ZNF385D: variants seen among roughly 807,000 people sequenced by gnomAD.
The protein encoded by ZNF385D is zinc finger protein 659.
ZNF385D carries 15 observed loss-of-function variants against 35.8 expected under a neutral mutation model. The ratio of observed to expected loss-of-function variants is 0.42; its 90% CI spans 0.28 to 0.64. The LOEUF is 0.64. ZNF385D is among the 30% of genes least tolerant of loss of function. The probability of loss-of-function intolerance (pLI) is 0.23; values close to 1 mark genes in which losing one functional copy is unlikely to be tolerated. For missense variants in ZNF385D, 474 were observed against 494.6 expected, an observed-to-expected ratio of 0.96 and a Z score of 0.39; for synonymous variants, 212 against 186.8, an observed-to-expected ratio of 1.13 and a Z score of -1.10.
At chr3:21,823,143 A>G (rs1644379335) in intron 3 of ZNF385D, among the ~76,000 whole-genome samples, 2 of 152,032 alleles carry the variant, frequency 1.3e-5, no homozygotes, top group South Asian at 4.2e-4. Context: ...ATGTGTACAT[A>G]TATGTTTATT....
intron 2 of ZNF385D, among the ~76,000 whole-genome samples, chr3:21,664,235 C>A (rs1433873091): frequency 6.6e-6 from 1 of 151,820 alleles, no homozygotes; most frequent in Admixed American, 6.6e-5. Flanking sequence ...ATGCATCTGC[C>A]AACTTACAAA....
At chr3:22,239,470 T>C (rs1489123056) in intron 2 of ZNF385D, among the ~76,000 whole-genome samples, 1 of 150,904 alleles carries the variant, frequency 6.6e-6, no homozygotes, top group African/African-American at 2.5e-5. Context: ...GAATTCCTCT[T>C]TTATAATAGA....
At chr3:22,335,585 A>G (rs1559526863) in intron 2 of ZNF385D, among the ~76,000 whole-genome samples, 1 of 152,154 alleles carries the variant, frequency 6.6e-6, no homozygotes, top group Non-Finnish European at 1.5e-5. Flanking sequence ...ACAGTTTTCC[A>G]TGTTGTATGT....
At chr3:22,029,974 G>A (rs955701704) in intron 3 of ZNF385D, among the ~76,000 whole-genome samples, 2 of 151,792 alleles carry the variant, frequency 1.3e-5, no homozygotes, top group African/African-American at 4.8e-5. Flanking sequence ...ATTAACATTT[G>A]AGTCAGTGGG....
intron 3 of ZNF385D, among the ~76,000 whole-genome samples, chr3:22,037,758 G>T (rs902119463): frequency 1.3e-5 from 2 of 152,020 alleles, no homozygotes; most frequent in African/African-American, 2.4e-5. Context: ...ATTGCTTTTG[G>T]TGTTTTAGAC....
At chr3:22,110,839 G>C (rs1702482698) in intron 3 of ZNF385D, among the ~76,000 whole-genome samples, 1 of 151,952 alleles carries the variant, frequency 6.6e-6, no homozygotes, top group South Asian at 2.1e-4. Context: ...AGTGTGATGT[G>C]TGAGGTGCTA....
intron 3 of ZNF385D, chr3:21,979,851 T>C (rs1449803834): frequency 6.6e-6 from 1 of 152,212 alleles, no homozygotes; most frequent in Non-Finnish European, 1.5e-5. Context: ...TAGTCACGTA[T>C]GTTTGCATAG....
At chr3:22,183,558 A>T (rs1695426955) in intron 2 of ZNF385D, among the ~76,000 whole-genome samples, 1 of 152,132 alleles carries the variant, frequency 6.6e-6, no homozygotes, top group Admixed American at 6.6e-5. Context: ...GTGTTTCACC[A>T]TATTGGCCAG....
chr3:21,879,748 G>C (rs1698178981), intron 3 of ZNF385D, among the ~76,000 whole-genome samples: 2 of 151,964 alleles, frequency 1.3e-5, no homozygotes, highest in Non-Finnish European at 2.9e-5. Context: ...TCCTCATTTG[G>C]AGAGTTACAT....
intron 4 of ZNF385D, among the ~76,000 whole-genome samples, chr3:21,480,543 G>T (rs1489707008): frequency 6.6e-6 from 1 of 152,008 alleles, no homozygotes; most frequent in Non-Finnish European, 1.5e-5. Context: ...TTTCCTTACT[G>T]TTCCCCTGTC....
At chr3:21,892,212 AAT>A (rs1698906119) in intron 3 of ZNF385D, among the ~76,000 whole-genome samples, 1 of 152,182 alleles carries the variant, frequency 6.6e-6, no homozygotes, top group Non-Finnish European at 1.5e-5. Context: ...GAAAAATTTG[AAT>A]ATATAGAATT....
At chr3:21,867,337 G>C (rs954376131) in intron 3 of ZNF385D, among the ~76,000 whole-genome samples, 1 of 152,100 alleles carries the variant, frequency 6.6e-6, no homozygotes, top group African/African-American at 2.4e-5. Context: ...GATACATTCA[G>C]ACCTTAGCAC....
At chr3:22,029,182 A>G (rs1048498992) in intron 3 of ZNF385D, among the ~76,000 whole-genome samples, 1 of 152,160 alleles carries the variant, frequency 6.6e-6, no homozygotes, top group African/African-American at 2.4e-5. Context: ...TGCTCCTCCT[A>G]CCTTTAAGAC....
At chr3:21,690,237 A>G (rs958081470) in intron 1 of ZNF385D, among the ~76,000 whole-genome samples, 1 of 152,208 alleles carries the variant, frequency 6.6e-6, no homozygotes, top group Admixed American at 6.5e-5. Context: ...CCATACACAC[A>G]CACATATTCA....
intron 3 of ZNF385D, among the ~76,000 whole-genome samples, chr3:21,957,520 G>T (rs1702355611): frequency 6.6e-6 from 1 of 152,118 alleles, no homozygotes; most frequent in South Asian, 2.1e-4. Flanking sequence ...AACTTGTTGA[G>T]AACTGGAGCA....
chr3:21,872,445 T>C (rs986880198), intron 3 of ZNF385D, among the ~76,000 whole-genome samples: 3 of 152,186 alleles, frequency 2.0e-5, no homozygotes, highest in Admixed American at 2.0e-4. Flanking sequence ...GAATTGAAGA[T>C]ACTGAAGGCA....
At chr3:21,529,901 T>C (rs553427356) in intron 3 of ZNF385D, among the ~76,000 whole-genome samples, 2 of 152,336 alleles carry the variant, frequency 1.3e-5, no homozygotes, top group African/African-American at 4.8e-5. Context: ...GATATGGTTT[T>C]AATGTGTGTT....
intron 3 of ZNF385D, among the ~76,000 whole-genome samples, chr3:21,766,063 G>A (rs759800088): frequency 2.0e-5 from 3 of 151,974 alleles, no homozygotes; most frequent in Non-Finnish European, 2.9e-5. Flanking sequence ...GATAGTGGCC[G>A]AAAGGAAAAA....
At chr3:22,122,767 G>C (rs1236576365) in intron 3 of ZNF385D, among the ~76,000 whole-genome samples, 1 of 152,134 alleles carries the variant, frequency 6.6e-6, no homozygotes, top group Non-Finnish European at 1.5e-5. Context: ...ATGCTAAAGG[G>C]GGTGAAGAAA....
Sources: gnomAD v4.1 joint callset for allele counts (sites outside exome capture counted in the v4.1 genomes callset) on GRCh38, gnomAD v4.1.1 for gene constraint, MANE v1.5 for transcripts, NCBI Gene and HGNC (gene_info 2026-07-23, HGNC 2026-07-21) for gene names.